The following TMPRSS11F variants were observed in gnomAD, a reference collection of about 807,000 sequenced individuals.
TMPRSS11F encodes the protein transmembrane serine protease 11F, also known as transmembrane protease serine 11F.
In TMPRSS11F, 47 loss-of-function variants were observed where a neutral mutation model predicts 60.2. That is an observed-to-expected ratio of 0.78 (90% CI 0.62 to 1.00). TMPRSS11F has a LOEUF of 1.00. TMPRSS11F is among the 50% of genes least tolerant of loss of function. The probability of loss-of-function intolerance (pLI) is 0.00; values close to 1 mark genes in which losing one functional copy is unlikely to be tolerated. For missense variants in TMPRSS11F, 519 were observed against 522.9 expected, an observed-to-expected ratio of 0.99 and a Z score of 0.07; for synonymous variants, 166 against 167.3, an observed-to-expected ratio of 0.99 and a Z score of 0.06.
chr4:68,113,118 T>C (rs1724442495), intron 1 of TMPRSS11F, among the ~76,000 whole-genome samples: 1 of 152,156 alleles, frequency 6.6e-6, no homozygotes, highest in South Asian at 2.1e-4. Context: ...CTCAACAAAT[T>C]AAAACAAATT....
intron 1 of TMPRSS11F, among the ~76,000 whole-genome samples, chr4:68,125,744 C>A (rs758617894): frequency 1.3e-5 from 2 of 152,160 alleles, no homozygotes; most frequent in Non-Finnish European, 2.9e-5. Context: ...TAAAGCAACA[C>A]AGACTTATCT....
Position 68,125,841 on chromosome 4 carries a change from CTTT to C in TMPRSS11F, c.11+3966_11+3968del, listed in dbSNP as rs1283308415. On this transcript the variant is annotated intron_variant, in intron 1 of 9. Coordinates refer to ENST00000356291, the MANE Select transcript of TMPRSS11F (RefSeq NM_207407.2). ...TCCTGCTTAGATCTTCCCAAGACTT[CTTT>C]AAGTGCAATGGGAAGCTATGCCAGT... Among the ~76,000 whole-genome samples, 19 of 152,154 alleles carry C rather than the reference CTTT, an allele frequency of 1.2e-4. 1 individual carries two copies. Among genetic ancestry groups the C allele is most frequent in the Admixed American group, 1.2e-3 (18 of 15,284 alleles).
intron 8 of TMPRSS11F, chr4:68,062,558 A>C: frequency 1.2e-6 from 1 of 805,208 alleles, no homozygotes; most frequent in Non-Finnish European, 2.2e-6. Context: ...TGACTCTAGC[A>C]ACGCCTGCCA....
intron 1 of TMPRSS11F, among the ~76,000 whole-genome samples, chr4:68,119,044 C>G (rs1335245646): frequency 6.6e-6 from 1 of 151,986 alleles, no homozygotes; most frequent in Non-Finnish European, 1.5e-5. Context: ...AAGTGTTATT[C>G]CAGTGAATAA....
At chr4:68,091,935 C>T (rs771717815) in intron 2 of TMPRSS11F, among the ~76,000 whole-genome samples, 15 of 151,796 alleles carry the variant, frequency 9.9e-5, no homozygotes, top group African/African-American at 2.2e-4. Context: ...TACAGGGGGA[C>T]GCCACTACAC....
intron 4 of TMPRSS11F, 81 bp from the exon 5 acceptor site, chr4:68,072,567 A>G: frequency 1.8e-6 from 2 of 1,099,512 alleles, no homozygotes; most frequent in Non-Finnish European, 2.4e-6. Context: ...CATTAAACTT[A>G]AAAAACATAA....
In TMPRSS11F at chr4:68,064,775, C is replaced by A. The variant is rs753288954; in HGVS notation, c.925G>T (p.Val309Phe). ...LSTGVEFSNI[V>F]QRVCLPDSSI... ...GAGTCTGGGAGGCAAACTCTCTGGA[C>A]TATATTTGAAAACTCAACTCCAGTA... Residue 309 changes from valine (V) to phenylalanine (F), a missense_variant, in exon 8 of 10, where the codon GTC becomes TTC. Val to Phe is a conservative substitution (Grantham distance 50). Coordinates refer to ENST00000356291, the MANE Select transcript of TMPRSS11F (RefSeq NM_207407.2). The A allele has an allele frequency of 6.2e-7, 1 of 1,614,160 alleles. No homozygotes were observed. The highest frequency in any genetic ancestry group is 2.2e-5 in the East Asian group (1 of 44,858).
At chr4:68,129,095 A>G (rs1724768663) in intron 1 of TMPRSS11F, among the ~76,000 whole-genome samples, 1 of 152,162 alleles carries the variant, frequency 6.6e-6, no homozygotes, top group Non-Finnish European at 1.5e-5. Flanking sequence ...ACAAGGCTAG[A>G]CTTAGCACAA....
intron 3 of TMPRSS11F, among the ~76,000 whole-genome samples, chr4:68,082,654 G>C (rs1723722975): frequency 6.6e-6 from 1 of 152,230 alleles, no homozygotes; most frequent in Non-Finnish European, 1.5e-5. Flanking sequence ...ACCCCATGAG[G>C]CCAGAAGATA....
At chr4:68,127,359 G>C (rs190660837) in intron 1 of TMPRSS11F, among the ~76,000 whole-genome samples, 1 of 151,856 alleles carries the variant, frequency 6.6e-6, no homozygotes, top group Non-Finnish European at 1.5e-5. Context: ...TTGTTTTTTC[G>C]CATTGATCAC....
intron 1 of TMPRSS11F, among the ~76,000 whole-genome samples, chr4:68,124,399 G>A (rs752515197): frequency 4.6e-5 from 7 of 152,148 alleles, no homozygotes; most frequent in Non-Finnish European, 8.8e-5. Context: ...CTACTCTGGA[G>A]GCTGAGGTGG....
At chr4:68,076,115 G>T (rs1384710059) in intron 3 of TMPRSS11F, among the ~76,000 whole-genome samples, 1 of 152,098 alleles carries the variant, frequency 6.6e-6, no homozygotes, top group Non-Finnish European at 1.5e-5. Flanking sequence ...CTCCTTTCTT[G>T]ATTTCCATTA....
At chr4:68,100,559 G>A (rs1313056786) in intron 1 of TMPRSS11F, among the ~76,000 whole-genome samples, 2 of 152,014 alleles carry the variant, frequency 1.3e-5, no homozygotes, top group South Asian at 2.1e-4. Flanking sequence ...GACAAGAAAA[G>A]GATTAATGGC....
chr4:68,128,739 T>C (rs1414705559), intron 1 of TMPRSS11F, among the ~76,000 whole-genome samples: 1 of 152,172 alleles, frequency 6.6e-6, no homozygotes, highest in Non-Finnish European at 1.5e-5. Context: ...TTATTCTGTC[T>C]TTATCTTGAT....
chr4:68,114,875 T>TA (rs1472881182), intron 1 of TMPRSS11F, among the ~76,000 whole-genome samples: 1 of 150,390 alleles, frequency 6.6e-6, no homozygotes, highest in East Asian at 2.0e-4. Context: ...CCAATCAGTA[T>TA]AACTCATAGT....
chr4:68,090,589 A>G lies in TMPRSS11F; in HGVS notation c.216T>C (p.Tyr72=), dbSNP rs1723906105. ...LASFKVTNIK[Y]KENYGIRSSR... ...AAGATCTTATGCCATAATTTTCTTT[A>G]TATTTGATATTTGTGACTTTAAAAG... is the stretch of plus-strand genomic sequence containing the variant. Residue 72 remains tyrosine, a synonymous_variant, in exon 3 of 10, where the codon TAT becomes TAC. Coordinates refer to ENST00000356291, the MANE Select transcript of TMPRSS11F (RefSeq NM_207407.2). 6.2e-7 allele frequency: 1 copy of G among 1,601,620 alleles called. No individual in the cohort carries two copies. The highest frequency in any genetic ancestry group is 1.3e-5 in the African/African-American group (1 of 74,344).
At position 68,073,952 on chromosome 4, in the gene TMPRSS11F, TA is replaced by T. The variant is rs761334884; in HGVS notation, c.339del (p.Ile114SerfsTer3). 1.3e-6 allele frequency: 2 copies of T among 1,574,932 alleles called. No individual in the cohort carries two copies. The highest frequency in any genetic ancestry group is 2.7e-5 in the African/African-American group (2 of 73,088). ...SVGGRFIKSH[V>X]IKLSPDEQGV... The stretch of plus-strand genomic sequence containing the variant: ...ACCAAATTTACATACCTTAATTTGA[TA>T]ACATGAGATTTGATAAATCGACCGC... On this transcript the variant is annotated frameshift_variant, in exon 4 of 10. Transcript: ENST00000356291. LOFTEE classifies it high-confidence loss of function.
chr4:68,058,677 A>G (rs1031757086), intron 9 of TMPRSS11F, among the ~76,000 whole-genome samples: 1 of 152,250 alleles, frequency 6.6e-6, no homozygotes, highest in Non-Finnish European at 1.5e-5. Flanking sequence ...GAACAAAGAA[A>G]GGACACAAGG....
At chr4:68,062,900 A>G in intron 8 of TMPRSS11F, 1 of 802,028 alleles carries the variant, frequency 1.2e-6, no homozygotes, top group Non-Finnish European at 2.2e-6. Flanking sequence ...GCCTTTTATC[A>G]CTTCTGCTGA....
Sources: gnomAD v4.1 joint callset for allele counts (sites outside exome capture counted in the v4.1 genomes callset) on GRCh38, gnomAD v4.1.1 for gene constraint, MANE v1.5 for transcripts, NCBI Gene and HGNC (gene_info 2026-07-23, HGNC 2026-07-21) for gene names.